Variants in MAP4 observed in about 807,000 individuals in gnomAD.
The protein encoded by MAP4 is microtubule-associated protein 4.
A neutral mutation model predicts 170.2 loss-of-function variants in MAP4; 76 were observed. That is an observed-to-expected ratio of 0.45 (90% confidence interval 0.37 to 0.54). MAP4 has a LOEUF of 0.54. MAP4 is among the 20% of genes least tolerant of loss of function. MAP4 has a pLI of 0.00. For synonymous variants in MAP4, 909 were observed against 994.5 expected (o/e 0.91, Z 1.62); for missense variants, 2,506 against 2,748.0 (o/e 0.91, Z 1.97).
chr3:47,974,423 A>G, intron 3 of MAP4: 1 of 974,034 alleles, frequency 1.0e-6, no homozygotes, highest in South Asian at 4.8e-5. Context: ...ACCCTGTCTC[A>G]AAAACAAAAA....
chr3:48,051,627 T>C (rs1189870334), intron 1 of MAP4, among the ~76,000 whole-genome samples: 1 of 152,204 alleles, frequency 6.6e-6, no homozygotes, highest in Non-Finnish European at 1.5e-5. Flanking sequence ...TCTACCAATC[T>C]AGATATCCAT....
intron 2 of MAP4, among the ~76,000 whole-genome samples, chr3:47,987,023 C>G (rs904333905): frequency 6.6e-6 from 1 of 152,174 alleles, no homozygotes; most frequent in Non-Finnish European, 1.5e-5. Flanking sequence ...GTGCCAAGAG[C>G]AGTGGTCTCT....
At position 47,851,456 on chromosome 3, in the gene MAP4, G is replaced by A. The variant is rs980427972; in HGVS notation, c.*1478C>T. On this transcript the variant is annotated 3_prime_UTR_variant, in exon 21 of 21. Transcript: ENST00000683076. Reference sequence around the variant, plus strand: ...GGGCAGAGGTCAGGAGGGGGCATGAGGAGGCCAAGTCTGGGGCAGCCTCCT... The same window carrying A: ...GGGCAGAGGTCAGGAGGGGGCATGAAGAGGCCAAGTCTGGGGCAGCCTCCT... The A allele has an allele frequency of 2.0e-5, 3 of 152,248 alleles. No homozygotes were observed. The highest frequency in any genetic ancestry group is 7.2e-5 in the African/African-American group (3 of 41,458). The allele number at this position is 152,248 out of a possible 1,614,324, so 9.4% of individuals were successfully genotyped here. A position where few individuals can be genotyped will look rare whatever the true frequency, so the allele number is the denominator to read the frequency against.
chr3:47,875,325 G>C (rs1422062802), intron 12 of MAP4, among the ~76,000 whole-genome samples: 1 of 152,202 alleles, frequency 6.6e-6, no homozygotes, highest in Non-Finnish European at 1.5e-5. Flanking sequence ...AATAGGTAAA[G>C]AGTAGGTAGC....
chr3:48,070,440 CT>C (rs2100140379), intron 1 of MAP4, among the ~76,000 whole-genome samples: 1 of 151,330 alleles, frequency 6.6e-6, no homozygotes, highest in South Asian at 2.1e-4. Context: ...GCCTTTTTTG[CT>C]TTCTTTGTGG....
At chr3:47,975,499 T>TA (rs1440548615) in intron 3 of MAP4, 1 of 1,436,478 alleles carries the variant, frequency 7.0e-7, no homozygotes, top group Non-Finnish European at 9.6e-7. Context: ...GAGGAAGAAG[T>TA]AGGAAGGGGA....
intron 3 of MAP4, among the ~76,000 whole-genome samples, chr3:47,935,769 T>C (rs2100052368): frequency 6.6e-6 from 1 of 151,542 alleles, no homozygotes; most frequent in Admixed American, 6.6e-5. Context: ...AAACCCCATC[T>C]CTACTAAAAA....
rs2100107851 is a variant in MAP4, at chr3:48,016,407, C to T, written c.-93G>A. 6.6e-6 allele frequency: 1 copy of T among 152,228 alleles called. No individual in the cohort carries two copies. The highest frequency in any genetic ancestry group is 6.5e-5 in the Admixed American group (1 of 15,272). 9.4% of individuals were successfully genotyped at this position (152,228 alleles called of 1,614,324 possible). On this transcript the variant is annotated 5_prime_UTR_variant, in exon 1 of 21. Transcript: ENST00000683076. ...GATCAGGCACCTGCCTTCAACATTT[C>T]TGTCCAAATGAATTTCAATCTATTT... is the stretch of plus-strand genomic sequence containing the variant.
At chr3:47,971,238 C>T (rs967151928) in intron 3 of MAP4, among the ~76,000 whole-genome samples, 2 of 152,218 alleles carry the variant, frequency 1.3e-5, no homozygotes, top group African/African-American at 4.8e-5. Flanking sequence ...GCTGTCTATA[C>T]ATAGCAACAT....
intron 1 of MAP4, among the ~76,000 whole-genome samples, chr3:48,059,591 G>C (rs896777307): frequency 7.0e-6 from 1 of 143,588 alleles, no homozygotes; most frequent in Non-Finnish European, 1.5e-5. Flanking sequence ...TACTTATTTT[G>C]ATCCTTTATG....
At chr3:47,906,533 A>G (rs2100033126) in intron 9 of MAP4, among the ~76,000 whole-genome samples, 1 of 151,748 alleles carries the variant, frequency 6.6e-6, no homozygotes, top group African/African-American at 2.4e-5. Context: ...AAAATACAAA[A>G]TTAGCTGGGC....
intron 1 of MAP4, among the ~76,000 whole-genome samples, chr3:48,055,545 G>C (rs1231500004): frequency 3.1e-4 from 44 of 142,182 alleles, no homozygotes; most frequent in African/African-American, 1.1e-3. Flanking sequence ...GCGTGATCTC[G>C]GCTCACTACA....
intron 2 of MAP4, among the ~76,000 whole-genome samples, chr3:47,980,900 G>A (rs1226246378): frequency 2.6e-5 from 4 of 152,150 alleles, no homozygotes; most frequent in African/African-American, 9.7e-5. Context: ...TCCAGCGAGT[G>A]GTATAAGAGC....
chr3:47,987,534 T>C, intron 2 of MAP4: 1 of 724,996 alleles, frequency 1.4e-6, no homozygotes. Flanking sequence ...AAAAGCTTTA[T>C]ATAACATCAA....
intron 2 of MAP4, among the ~76,000 whole-genome samples, chr3:47,992,085 C>T (rs1438447358): frequency 6.6e-6 from 1 of 151,966 alleles, no homozygotes; most frequent in African/African-American, 2.4e-5. Flanking sequence ...TTAATGAAGT[C>T]TAGGGCCCTT....
At chr3:47,956,863 C>G (rs780962152) in intron 3 of MAP4, among the ~76,000 whole-genome samples, 1 of 152,214 alleles carries the variant, frequency 6.6e-6, no homozygotes, top group Non-Finnish European at 1.5e-5. Context: ...TTCCCCTAAA[C>G]AGGGCTGACC....
intron 19 of MAP4, among the ~76,000 whole-genome samples, chr3:47,854,650 G>A (rs2051340217): frequency 6.6e-6 from 1 of 152,088 alleles, no homozygotes; most frequent in Admixed American, 6.5e-5. Flanking sequence ...GGAAAGAGGA[G>A]AGAGGGAAGG....
chr3:47,918,665 T>C (rs1037518215), intron 6 of MAP4, 54 bp downstream of exon 6: 8 of 1,417,186 alleles, frequency 5.6e-6, no homozygotes, highest in Non-Finnish European at 6.9e-6. Context: ...ATGATTTATA[T>C]TGATTACCAA....
intron 2 of MAP4, among the ~76,000 whole-genome samples, chr3:47,986,465 T>C (rs548076136): frequency 4.6e-5 from 7 of 152,220 alleles, no homozygotes; most frequent in Non-Finnish European, 8.8e-5. Context: ...CTCAGCCTCC[T>C]GAGCAGCCGG....
Sources: allele counts gnomAD v4.1 joint callset (sites outside exome capture counted in the v4.1 genomes callset), GRCh38; gene constraint gnomAD v4.1.1; transcripts MANE v1.5; gene names NCBI Gene and HGNC (gene_info 2026-07-23, HGNC 2026-07-21).